Variants in PDE4D observed in about 807,000 individuals in gnomAD.
PDE4D encodes phosphodiesterase 4D.
PDE4D carries 24 observed loss-of-function variants against 87.4 expected under a neutral mutation model. That is an observed-to-expected ratio of 0.27 (90% CI 0.20 to 0.39). PDE4D has a LOEUF of 0.39. Ranked by LOEUF, PDE4D falls within the 10% of genes least tolerant of loss-of-function variation. PDE4D has a pLI of 1.00. For missense variants in PDE4D, 714 were observed against 1,041.0 expected (o/e 0.69, Z 4.32); for synonymous variants, 384 against 383.2 (o/e 1.00, Z -0.02).
At chr5:59,106,702 G>T (rs1771641565) in intron 5 of PDE4D, among the ~76,000 whole-genome samples, 1 of 152,238 alleles carries the variant, frequency 6.6e-6, no homozygotes, top group African/African-American at 2.4e-5. Context: ...GGAGTTTGCG[G>T]TGAGCTGAGA....
At chr5:60,494,336 G>A (rs1014597778) in intron 1 of PDE4D, among the ~76,000 whole-genome samples, 2 of 152,118 alleles carry the variant, frequency 1.3e-5, no homozygotes, top group African/African-American at 2.4e-5. Flanking sequence ...TACAGAATCC[G>A]ACATCAAGAT....
chr5:59,671,082 C>T (rs1209975739), intron 1 of PDE4D, among the ~76,000 whole-genome samples: 2 of 152,124 alleles, frequency 1.3e-5, no homozygotes, highest in African/African-American at 4.8e-5. Flanking sequence ...GATATGAGTT[C>T]TGGTTATTTA....
intron 1 of PDE4D, among the ~76,000 whole-genome samples, chr5:59,451,394 C>G (rs1157178561): frequency 6.6e-6 from 1 of 152,142 alleles, no homozygotes; most frequent in African/African-American, 2.4e-5. Context: ...AGATGGATAG[C>G]TCCCCATCAA....
intron 2 of PDE4D, among the ~76,000 whole-genome samples, chr5:60,153,291 T>C (rs1183776649): frequency 6.6e-6 from 1 of 152,148 alleles, no homozygotes; most frequent in African/African-American, 2.4e-5. Flanking sequence ...ACATCACTAA[T>C]CATCAGGGAA....
At chr5:60,170,155 A>C (rs1287814788) in intron 2 of PDE4D, among the ~76,000 whole-genome samples, 1 of 152,046 alleles carries the variant, frequency 6.6e-6, no homozygotes. Flanking sequence ...CCAACCTAGA[A>C]TATTATGCCA....
intron 6 of PDE4D, among the ~76,000 whole-genome samples, chr5:59,016,816 C>G (rs1754097319): frequency 6.6e-6 from 1 of 151,984 alleles, no homozygotes. Flanking sequence ...TATGTGCCAG[C>G]ATAGGGGATA....
intron 1 of PDE4D, among the ~76,000 whole-genome samples, chr5:59,833,686 T>C (rs939079036): frequency 2.2e-4 from 33 of 152,054 alleles, no homozygotes; most frequent in Middle Eastern, 6.8e-3. Flanking sequence ...AGGGTGGTGA[T>C]GTGTGTGGTA....
At chr5:59,180,043 C>A (rs1269443498) in intron 5 of PDE4D, among the ~76,000 whole-genome samples, 1 of 152,118 alleles carries the variant, frequency 6.6e-6, no homozygotes, top group Non-Finnish European at 1.5e-5. Context: ...ATCTATAGAT[C>A]CCAACGTTTT....
At chr5:60,239,850 T>C (rs374954691) in intron 1 of PDE4D, among the ~76,000 whole-genome samples, 1 of 152,094 alleles carries the variant, frequency 6.6e-6, no homozygotes, top group East Asian at 1.9e-4. Flanking sequence ...TATTTTCTAA[T>C]AGTTTTTCAA....
At chr5:59,275,458 TA>T (rs1764620306) in intron 1 of PDE4D, 1 of 1,571,388 alleles carries the variant, frequency 6.4e-7, no homozygotes, top group African/African-American at 1.4e-5. Flanking sequence ...TAATACATTC[TA>T]ACTGTCTTTC....
intron 5 of PDE4D, among the ~76,000 whole-genome samples, chr5:59,050,592 C>A (rs1285589824): frequency 6.6e-6 from 1 of 152,168 alleles, no homozygotes; most frequent in Admixed American, 6.5e-5. Flanking sequence ...ACAAGAATAT[C>A]TATGGAGATT....
chr5:60,003,755 C>G (rs1028877684), intron 2 of PDE4D, among the ~76,000 whole-genome samples: 1 of 149,898 alleles, frequency 6.7e-6, no homozygotes, highest in Non-Finnish European at 1.5e-5. Flanking sequence ...AAGTTGGAAG[C>G]GTCATACTCC....
intron 1 of PDE4D, among the ~76,000 whole-genome samples, chr5:59,499,109 A>T (rs568573269): frequency 4.6e-5 from 7 of 152,138 alleles, no homozygotes; most frequent in Non-Finnish European, 7.4e-5. Flanking sequence ...AATCAACAGC[A>T]AGAGGAATTC....
At chr5:59,457,091 A>G (rs1016933506) in intron 1 of PDE4D, among the ~76,000 whole-genome samples, 1 of 152,232 alleles carries the variant, frequency 6.6e-6, no homozygotes, top group Non-Finnish European at 1.5e-5. Flanking sequence ...CCAATTTTGA[A>G]AGTTCTACAT....
chr5:59,150,198 A>AGGAAG (rs532741234), intron 5 of PDE4D, among the ~76,000 whole-genome samples: 32 of 152,228 alleles, frequency 2.1e-4, no homozygotes, highest in African/African-American at 7.5e-4. Flanking sequence ...GAAGAACAAG[A>AGGAAG]GGAAGAGAAG....
intron 1 of PDE4D, among the ~76,000 whole-genome samples, chr5:59,230,552 GTGTTAAGTA>G (rs1340042484): frequency 6.6e-6 from 1 of 152,144 alleles, no homozygotes; most frequent in African/African-American, 2.4e-5. Context: ...AAAATATTAT[GTGTTAAGTA>G]TGTTAAATAA....
At chr5:59,812,944 C>A (rs1768532972) in intron 1 of PDE4D, among the ~76,000 whole-genome samples, 1 of 152,258 alleles carries the variant, frequency 6.6e-6, no homozygotes, top group Non-Finnish European at 1.5e-5. Flanking sequence ...CCAAGTCAGG[C>A]TGCTGTATTT....
At chr5:59,437,963 G>A (rs898000402) in intron 1 of PDE4D, among the ~76,000 whole-genome samples, 1 of 152,120 alleles carries the variant, frequency 6.6e-6, no homozygotes, top group Non-Finnish European at 1.5e-5. Flanking sequence ...TCACAGGGTG[G>A]CAGGAGAGAG....
chr5:60,268,921 T>C (rs1750523188), intron 1 of PDE4D, among the ~76,000 whole-genome samples: 1 of 152,202 alleles, frequency 6.6e-6, no homozygotes, highest in African/African-American at 2.4e-5. Context: ...TGCAATTTAT[T>C]GTAGAAAAAT....
Sources: gnomAD v4.1 joint callset for allele counts (sites outside exome capture counted in the v4.1 genomes callset) on GRCh38, gnomAD v4.1.1 for gene constraint, MANE v1.5 for transcripts, NCBI Gene and HGNC (gene_info 2026-07-23, HGNC 2026-07-21) for gene names.